The following MACROD2 variants were observed in gnomAD, a reference collection of about 807,000 sequenced individuals.
The protein encoded by MACROD2 is mono-ADP ribosylhydrolase 2.
In MACROD2, 36 loss-of-function variants were observed where a neutral mutation model predicts 70.4. The ratio of observed to expected loss-of-function variants is 0.51; its 90% confidence interval spans 0.39 to 0.68. The LOEUF (loss-of-function observed/expected upper bound fraction) is 0.68. Ranked by LOEUF, MACROD2 falls within the 30% of genes least tolerant of loss-of-function variation. The pLI, the probability that MACROD2 is intolerant of heterozygous loss-of-function variation, is 0.00. For synonymous variants in MACROD2, 172 were observed against 178.8 expected, an observed-to-expected ratio of 0.96 and a Z score of 0.30; for missense variants, 496 against 538.4, an observed-to-expected ratio of 0.92 and a Z score of 0.78.
chr20:15,816,670 G>A (rs1337005000), intron 8 of MACROD2, among the ~76,000 whole-genome samples: 2 of 152,120 alleles, frequency 1.3e-5, no homozygotes, highest in Non-Finnish European at 2.9e-5. Flanking sequence ...GATACTGATA[G>A]ATGATCAACC....
intron 15 of MACROD2, among the ~76,000 whole-genome samples, chr20:16,037,585 G>A (rs776904527): frequency 7.9e-5 from 12 of 151,782 alleles, no homozygotes; most frequent in Non-Finnish European, 1.5e-4. Context: ...GTCCCAGAGA[G>A]TTAAGATGAG....
chr20:14,937,923 T>G (rs2122697655), intron 5 of MACROD2, among the ~76,000 whole-genome samples: 1 of 152,130 alleles, frequency 6.6e-6, no homozygotes, highest in Non-Finnish European at 1.5e-5. Flanking sequence ...ACGATTGATG[T>G]GATATTTGTC....
At chr20:15,474,035 A>T (rs1171343382) in intron 7 of MACROD2, among the ~76,000 whole-genome samples, 1 of 152,176 alleles carries the variant, frequency 6.6e-6, no homozygotes, top group Non-Finnish European at 1.5e-5. Context: ...GCCATTGCGG[A>T]CCTCAGTTTG....
At chr20:14,068,400 A>G (rs575487583) in intron 2 of MACROD2, among the ~76,000 whole-genome samples, 2 of 152,300 alleles carry the variant, frequency 1.3e-5, no homozygotes, top group East Asian at 3.9e-4. Context: ...AGGCATGATC[A>G]GCTTGCTAAG....
At chr20:15,490,936 A>G (rs1445599949) in intron 7 of MACROD2, among the ~76,000 whole-genome samples, 1 of 152,200 alleles carries the variant, frequency 6.6e-6, no homozygotes, top group African/African-American at 2.4e-5. Context: ...TCTTTCCCTC[A>G]ATACAGTAAA....
chr20:15,936,471 T>C (rs1016158691), intron 11 of MACROD2, among the ~76,000 whole-genome samples: 1 of 148,192 alleles, frequency 6.7e-6, no homozygotes, highest in Admixed American at 6.8e-5. Context: ...CTATAATTTA[T>C]ATATAGTATA....
At chr20:14,215,337 T>TATAC (rs1166198341) in intron 3 of MACROD2, among the ~76,000 whole-genome samples, 13 of 131,088 alleles carry the variant, frequency 9.9e-5, no homozygotes, top group South Asian at 2.6e-4. Context: ...CCATCATATA[T>TATAC]ACACACACAC....
chr20:15,522,253 G>A (rs1337984285), intron 8 of MACROD2, among the ~76,000 whole-genome samples: 1 of 152,108 alleles, frequency 6.6e-6, no homozygotes, highest in Non-Finnish European at 1.5e-5. Flanking sequence ...TGTAAAAGAG[G>A]TAGCCCTATT....
chr20:14,257,320 T>C (rs1441834064), intron 3 of MACROD2, among the ~76,000 whole-genome samples: 1 of 152,170 alleles, frequency 6.6e-6, no homozygotes, highest in Admixed American at 6.6e-5. Context: ...CATTAATTCT[T>C]TATATAGATG....
chr20:15,567,729 G>T (rs531056873), intron 8 of MACROD2, among the ~76,000 whole-genome samples: 1 of 152,316 alleles, frequency 6.6e-6, no homozygotes, highest in Admixed American at 6.5e-5. Context: ...ACAAGGTCCA[G>T]GTGGTAGCAC....
At chr20:15,446,377 G>A (rs1457167317) in intron 7 of MACROD2, among the ~76,000 whole-genome samples, 3 of 152,208 alleles carry the variant, frequency 2.0e-5, no homozygotes, top group Admixed American at 1.3e-4. Flanking sequence ...GCCTGTGCAA[G>A]GGAGGATTTT....
chr20:14,204,854 C>T (rs2081509938), intron 3 of MACROD2, among the ~76,000 whole-genome samples: 1 of 151,972 alleles, frequency 6.6e-6, no homozygotes, highest in South Asian at 2.1e-4. Context: ...CCTCTTGAAC[C>T]CTTACCTCAA....
intron 3 of MACROD2, among the ~76,000 whole-genome samples, chr20:14,416,719 A>G (rs779989067): frequency 8.5e-5 from 13 of 152,190 alleles, no homozygotes; most frequent in Non-Finnish European, 1.3e-4. Context: ...GTGCCAGGCA[A>G]TAAAGTACAC....
At chr20:14,876,555 G>A (rs908083069) in intron 5 of MACROD2, among the ~76,000 whole-genome samples, 14 of 152,098 alleles carry the variant, frequency 9.2e-5, no homozygotes, top group African/African-American at 3.1e-4. Flanking sequence ...CCAATATTCA[G>A]AATGGTATTA....
At chr20:14,920,898 C>A (rs1291608629) in intron 5 of MACROD2, among the ~76,000 whole-genome samples, 4 of 152,214 alleles carry the variant, frequency 2.6e-5, no homozygotes, top group Non-Finnish European at 5.9e-5. Flanking sequence ...GTCACTTGGT[C>A]TTTAGGTTTA....
At chr20:14,556,640 G>C (rs1199192039) in intron 4 of MACROD2, among the ~76,000 whole-genome samples, 1 of 151,968 alleles carries the variant, frequency 6.6e-6, no homozygotes, top group East Asian at 1.9e-4. Context: ...CCCATACATT[G>C]ATACTGTTAG....
At chr20:15,714,122 A>G (rs2327960) in intron 8 of MACROD2, among the ~76,000 whole-genome samples, 88,064 of 151,988 alleles carry the variant, frequency 0.58, 28,234 homozygotes, top group Middle Eastern at 0.75. Flanking sequence ...TTAACTATGC[A>G]CATTAAAAAT....
intron 15 of MACROD2, among the ~76,000 whole-genome samples, chr20:16,026,911 G>A (rs2067088329): frequency 6.6e-6 from 1 of 152,110 alleles, no homozygotes; most frequent in Admixed American, 6.5e-5. Context: ...ACTTTTGGTT[G>A]CATGTTTAGT....
chr20:14,174,878 T>C (rs777519468), intron 3 of MACROD2, among the ~76,000 whole-genome samples: 1 of 152,224 alleles, frequency 6.6e-6, no homozygotes, highest in Non-Finnish European at 1.5e-5. Flanking sequence ...TCTACCGTTG[T>C]ATTTCACTCA....
Sources: gnomAD v4.1 joint callset for allele counts (sites outside exome capture counted in the v4.1 genomes callset) on GRCh38, gnomAD v4.1.1 for gene constraint, MANE v1.5 for transcripts, NCBI Gene and HGNC (gene_info 2026-07-23, HGNC 2026-07-21) for gene names.